Variants in ZNF804A observed in about 807,000 individuals in gnomAD.
The protein encoded by ZNF804A is zinc finger protein 804A.
ZNF804A carries 2 observed loss-of-function variants against 16.5 expected under a neutral mutation model. The observed-to-expected ratio is 0.12, with a 90% CI of 0.05 to 0.38. The LOEUF (loss-of-function observed/expected upper bound fraction) is 0.38, where lower values mean the gene tolerates loss of function less well. Among genes scored for constraint, ZNF804A ranks in the 10% least tolerant of loss-of-function variants. ZNF804A has a pLI of 0.99. For synonymous variants in ZNF804A, 534 were observed against 489.6 expected (o/e 1.09, Z -1.20); for missense variants, 1,473 against 1,390.7 (o/e 1.06, Z -0.94).
intron 1 of ZNF804A, among the ~76,000 whole-genome samples, chr2:184,823,516 A>G (rs182926552): frequency 6.6e-6 from 1 of 152,232 alleles, no homozygotes; most frequent in Non-Finnish European, 1.5e-5. Context: ...ACAGGATAAA[A>G]CCAAAGGGAT....
intron 1 of ZNF804A, among the ~76,000 whole-genome samples, chr2:184,777,425 G>C (rs368667071): frequency 1.3e-5 from 2 of 151,464 alleles, no homozygotes; most frequent in African/African-American, 4.8e-5. Flanking sequence ...CCTTTCTGCT[G>C]TTTTCCTTCC....
chr2:184,782,120 C>G (rs969303278), intron 1 of ZNF804A, among the ~76,000 whole-genome samples: 1 of 151,754 alleles, frequency 6.6e-6, no homozygotes, highest in Non-Finnish European at 1.5e-5. Flanking sequence ...AGGGCCTTAT[C>G]TTCAAATACA....
intron 1 of ZNF804A, among the ~76,000 whole-genome samples, chr2:184,851,832 TA>T (rs1695608566): frequency 6.6e-6 from 1 of 151,812 alleles, no homozygotes; most frequent in Non-Finnish European, 1.5e-5. Context: ...TTTCTCTACA[TA>T]CTTGTCAACA....
chr2:184,742,305 T>C (rs1318949263), intron 1 of ZNF804A, among the ~76,000 whole-genome samples: 2 of 152,030 alleles, frequency 1.3e-5, no homozygotes, highest in Non-Finnish European at 2.9e-5. Context: ...TCAATTACCA[T>C]AATTTTGAAA....
At chr2:184,705,269 G>T (rs1386017147) in intron 1 of ZNF804A, among the ~76,000 whole-genome samples, 1 of 152,124 alleles carries the variant, frequency 6.6e-6, no homozygotes, top group African/African-American at 2.4e-5. Context: ...ACATAGTGAA[G>T]AACTTTATTG....
intron 1 of ZNF804A, among the ~76,000 whole-genome samples, chr2:184,802,085 T>G (rs2105783102): frequency 6.6e-6 from 1 of 152,322 alleles, no homozygotes; most frequent in Middle Eastern, 3.4e-3. Flanking sequence ...TCCACTTTTA[T>G]TATTCAAGAG....
chr2:184,620,218 C>T (rs1691395374), intron 1 of ZNF804A, among the ~76,000 whole-genome samples: 1 of 151,590 alleles, frequency 6.6e-6, no homozygotes, highest in Non-Finnish European at 1.5e-5. Flanking sequence ...GTTTTGTTTG[C>T]CAAATATTGC....
At chr2:184,801,358 G>C (rs1193943613) in intron 1 of ZNF804A, among the ~76,000 whole-genome samples, 1 of 151,984 alleles carries the variant, frequency 6.6e-6, no homozygotes, top group Non-Finnish European at 1.5e-5. Flanking sequence ...AAAATTCTTG[G>C]CCATAATTAC....
At position 184,613,555 on chromosome 2, in the gene ZNF804A, A is replaced by G. The variant is rs145605706; in HGVS notation, c.111+14485A>G. The stretch of plus-strand genomic sequence containing the variant: ...AACTCAGTGGTCAAAGTTCCACTGG[A>G]TGGACAATCCTACAAATTAAAAATT... On this transcript the variant is annotated intron_variant, in intron 1 of 3. Coordinates refer to ENST00000302277, the MANE Select transcript of ZNF804A (RefSeq NM_194250.2). Among the ~76,000 whole-genome samples, 78 of 152,316 alleles carry G rather than the reference A, an allele frequency of 5.1e-4. 3 individuals are homozygous for G. The East Asian group carries it at 0.014, about 27-fold the overall frequency.
At chr2:184,688,320 T>G (rs946190803) in intron 1 of ZNF804A, among the ~76,000 whole-genome samples, 1 of 148,596 alleles carries the variant, frequency 6.7e-6, no homozygotes, top group Non-Finnish European at 1.5e-5. Flanking sequence ...GGAGAAATCT[T>G]TTTCTTTCTC....
intron 2 of ZNF804A, among the ~76,000 whole-genome samples, chr2:184,885,942 T>C (rs1051936080): frequency 1.3e-5 from 2 of 152,148 alleles, no homozygotes; most frequent in Non-Finnish European, 2.9e-5. Flanking sequence ...CCAAATCTCA[T>C]GTCCTCACAT....
intron 2 of ZNF804A, among the ~76,000 whole-genome samples, chr2:184,876,420 A>G (rs1684681176): frequency 2.0e-5 from 3 of 151,882 alleles, no homozygotes; most frequent in Admixed American, 2.0e-4. Context: ...ACTTCAATCT[A>G]ATTGAACTTC....
At chr2:184,884,336 G>T (rs1251644167) in intron 2 of ZNF804A, among the ~76,000 whole-genome samples, 1 of 152,010 alleles carries the variant, frequency 6.6e-6, no homozygotes, top group Non-Finnish European at 1.5e-5. Context: ...ATTCTCATGG[G>T]TAGGAAGAAT....
chr2:184,651,583 A>G (rs1435858093), intron 1 of ZNF804A, among the ~76,000 whole-genome samples: 1 of 152,118 alleles, frequency 6.6e-6, no homozygotes, highest in Non-Finnish European at 1.5e-5. Flanking sequence ...AGGAAACTAA[A>G]CATTTTAATA....
intron 1 of ZNF804A, among the ~76,000 whole-genome samples, chr2:184,864,851 A>G (rs1256309854): frequency 1.3e-5 from 2 of 151,152 alleles, no homozygotes; most frequent in Non-Finnish European, 2.9e-5. Context: ...AATAGTAAGT[A>G]AGAGACTTGA....
chr2:184,781,659 G>A (rs897192640), intron 1 of ZNF804A, among the ~76,000 whole-genome samples: 3 of 151,698 alleles, frequency 2.0e-5, no homozygotes, highest in African/African-American at 4.8e-5. Context: ...GACTCCACTT[G>A]CCTTATCTAA....
At chr2:184,656,290 G>T (rs529027554) in intron 1 of ZNF804A, among the ~76,000 whole-genome samples, 2 of 152,152 alleles carry the variant, frequency 1.3e-5, no homozygotes, top group Admixed American at 1.3e-4. Context: ...ACGCAATATT[G>T]CTATTTCATT....
rs1359998872 is a variant in ZNF804A, at chr2:184,936,944, C to CA, written c.1553dup (p.Asn518LysfsTer2). On this transcript the variant is annotated frameshift_variant, in exon 4 of 4. Transcript: ENST00000302277. LOFTEE classifies it low-confidence loss of function (END_TRUNC). ...TCACTGATTATGAAATTGGAAGTAG[C>CA]AAAAATAAATGCAGCCAAGTCACTC... 6.2e-7 allele frequency: 1 copy of CA among 1,613,896 alleles called. No individual in the cohort carries two copies. Among genetic ancestry groups the CA allele is most frequent in the Admixed American group, 1.7e-5 (1 of 59,966 alleles).
At chr2:184,821,135 T>C (rs2105791077) in intron 1 of ZNF804A, among the ~76,000 whole-genome samples, 1 of 152,156 alleles carries the variant, frequency 6.6e-6, no homozygotes, top group South Asian at 2.1e-4. Context: ...AGAACAAAGC[T>C]GGAGGCATCA....
Sources: gnomAD v4.1 joint callset for allele counts (sites outside exome capture counted in the v4.1 genomes callset) on GRCh38, gnomAD v4.1.1 for gene constraint, MANE v1.5 for transcripts, NCBI Gene and HGNC (gene_info 2026-07-23, HGNC 2026-07-21) for gene names.